The following INPP4B variants were observed in gnomAD, a reference collection of about 807,000 sequenced individuals.
INPP4B encodes the protein inositol polyphosphate 4-phosphatase type II.
In INPP4B, 55 loss-of-function variants were observed where a neutral mutation model predicts 122.5. The ratio of observed to expected loss-of-function variants is 0.45; its 90% CI spans 0.36 to 0.56. The LOEUF is 0.56. Among genes scored for constraint, INPP4B ranks in the 20% least tolerant of loss-of-function variants. The pLI is 0.00. For synonymous variants in INPP4B, 403 were observed against 388.7 expected (o/e 1.04, Z -0.43); for missense variants, 1,000 against 1,097.7 (o/e 0.91, Z 1.26).
chr4:142,488,470 A>G (rs957408989), intron 2 of INPP4B, among the ~76,000 whole-genome samples: 2 of 151,926 alleles, frequency 1.3e-5, no homozygotes, highest in East Asian at 3.9e-4. Context: ...TTCTTCCTTA[A>G]ATGTTTCCTA....
chr4:142,575,856 C>T (rs1271283574), intron 2 of INPP4B, among the ~76,000 whole-genome samples: 1 of 151,922 alleles, frequency 6.6e-6, no homozygotes, highest in African/African-American at 2.4e-5. Context: ...TCCTTTTTAC[C>T]CTCTGGTTAC....
chr4:142,354,095 C>T (rs1782807267), intron 7 of INPP4B, among the ~76,000 whole-genome samples: 1 of 151,962 alleles, frequency 6.6e-6, no homozygotes, highest in Non-Finnish European at 1.5e-5. Context: ...CAAATGCATA[C>T]AACCAGTCAG....
chr4:142,783,489 G>A (rs1462591059), intron 1 of INPP4B, among the ~76,000 whole-genome samples: 1 of 152,118 alleles, frequency 6.6e-6, no homozygotes, highest in Non-Finnish European at 1.5e-5. Context: ...CAATATTTAT[G>A]TTATGGGGAG....
chr4:142,550,306 GA>G, intron 2 of INPP4B, among the ~76,000 whole-genome samples: 1 of 152,146 alleles, frequency 6.6e-6, no homozygotes, highest in African/African-American at 2.4e-5. Context: ...GCATAGTCTG[GA>G]AGACAAATTG....
chr4:142,096,500 C>T (rs951867522), intron 23 of INPP4B, among the ~76,000 whole-genome samples: 18 of 152,002 alleles, frequency 1.2e-4, no homozygotes, highest in Non-Finnish European at 2.2e-4. Flanking sequence ...ATAATTTGAT[C>T]GTGTCTAAAA....
chr4:142,256,392 T>C (rs1273356163), intron 11 of INPP4B, among the ~76,000 whole-genome samples: 1 of 151,598 alleles, frequency 6.6e-6, no homozygotes, highest in Admixed American at 6.6e-5. Context: ...CAAAAAACCC[T>C]TCAAAAAATT....
At chr4:142,031,842 A>C (rs1208529465) in intron 25 of INPP4B, among the ~76,000 whole-genome samples, 1 of 152,214 alleles carries the variant, frequency 6.6e-6, no homozygotes, top group Non-Finnish European at 1.5e-5. Flanking sequence ...TTTAGTGTCT[A>C]CTATGAACCA....
intron 2 of INPP4B, among the ~76,000 whole-genome samples, chr4:142,496,536 T>C (rs1197006833): frequency 6.6e-6 from 1 of 152,198 alleles, no homozygotes; most frequent in Non-Finnish European, 1.5e-5. Context: ...TTTCTACCAT[T>C]AGCATATGAG....
At chr4:142,097,270 T>TTTTA (rs1782347805) in intron 23 of INPP4B, among the ~76,000 whole-genome samples, 1 of 42,340 alleles carries the variant, frequency 2.4e-5, no homozygotes, top group African/African-American at 6.9e-5. Context: ...ATTTTATTTT[T>TTTTA]TGAGACGGAG....
chr4:142,274,634 A>C (rs1747501144), intron 9 of INPP4B, among the ~76,000 whole-genome samples: 1 of 151,906 alleles, frequency 6.6e-6, no homozygotes, highest in South Asian at 2.1e-4. Flanking sequence ...GTATATAGCA[A>C]TTATGACATT....
chr4:142,434,360 G>A (rs749860822), intron 3 of INPP4B, among the ~76,000 whole-genome samples: 9 of 152,174 alleles, frequency 5.9e-5, no homozygotes, highest in Non-Finnish European at 8.8e-5. Flanking sequence ...CAGAAGGGAG[G>A]AGAACTCACT....
At chr4:142,444,876 C>T (rs10002270) in intron 3 of INPP4B, among the ~76,000 whole-genome samples, 1,599 of 152,012 alleles carry the variant, frequency 0.011, 28 homozygotes, top group African/African-American at 0.036. Flanking sequence ...GGGATATGGA[C>T]GAAGCTGGAA....
chr4:142,580,231 T>C (rs1734781520), intron 2 of INPP4B, among the ~76,000 whole-genome samples: 1 of 151,810 alleles, frequency 6.6e-6, no homozygotes, highest in Non-Finnish European at 1.5e-5. Context: ...TCTTTGCCAC[T>C]TACTAGTTGT....
chr4:142,461,806 A>AACACAC (rs3076617), intron 3 of INPP4B, among the ~76,000 whole-genome samples: 5 of 150,772 alleles, frequency 3.3e-5, no homozygotes, highest in African/African-American at 7.3e-5. Context: ...TAAAAGTACA[A>AACACAC]ACACACACAC....
chr4:142,806,304 A>G (rs1486078472), intron 1 of INPP4B, among the ~76,000 whole-genome samples: 2 of 149,058 alleles, frequency 1.3e-5, no homozygotes, highest in Admixed American at 6.7e-5. Context: ...AAAAAAAAAA[A>G]GAGGAAAAAA....
intron 2 of INPP4B, among the ~76,000 whole-genome samples, chr4:142,561,604 A>G (rs1189358195): frequency 1.3e-5 from 2 of 152,078 alleles, no homozygotes; most frequent in African/African-American, 4.8e-5. Flanking sequence ...TATTTTTAGT[A>G]GAGACGGGGT....
intron 1 of INPP4B, among the ~76,000 whole-genome samples, chr4:142,788,283 T>A (rs1776032487): frequency 6.6e-6 from 1 of 151,946 alleles, no homozygotes; most frequent in Non-Finnish European, 1.5e-5. Context: ...TAAAACATAT[T>A]GAAAGTAGTA....
At chr4:142,716,240 C>A (rs1763744820) in intron 2 of INPP4B, among the ~76,000 whole-genome samples, 1 of 152,134 alleles carries the variant, frequency 6.6e-6, no homozygotes, top group African/African-American at 2.4e-5. Flanking sequence ...GCAAACTAAT[C>A]CATTGTCATT....
intron 18 of INPP4B, among the ~76,000 whole-genome samples, chr4:142,130,964 T>C (rs1304635271): frequency 6.6e-6 from 1 of 152,226 alleles, no homozygotes; most frequent in Non-Finnish European, 1.5e-5. Flanking sequence ...AAACTTCTTA[T>C]TTCGTAGCAC....
Sources: gnomAD v4.1 joint callset for allele counts (sites outside exome capture counted in the v4.1 genomes callset) on GRCh38, gnomAD v4.1.1 for gene constraint, MANE v1.5 for transcripts, NCBI Gene and HGNC (gene_info 2026-07-23, HGNC 2026-07-21) for gene names.